ARL5A: variants seen among roughly 807,000 people sequenced by gnomAD.
ARL5A encodes the protein ARF like GTPase 5A, also known as ADP-ribosylation factor-like protein 5A.
Under a neutral mutation model 25.9 loss-of-function variants are expected in ARL5A, and 18 were observed. That is an observed-to-expected ratio of 0.69 (90% CI 0.48 to 1.03). The LOEUF is 1.03. Ranked by LOEUF, ARL5A falls within the 50% of genes least tolerant of loss-of-function variation. ARL5A has a pLI of 0.00. For missense variants in ARL5A, 170 were observed against 211.9 expected (o/e 0.80, Z 1.23); for synonymous variants, 61 against 67.5 (o/e 0.90, Z 0.47).
chr2:151,822,224 T>C (rs947463603), intron 1 of ARL5A, among the ~76,000 whole-genome samples: 1 of 152,198 alleles, frequency 6.6e-6, no homozygotes, highest in African/African-American at 2.4e-5. Flanking sequence ...TTGGCCAAGC[T>C]GGTCTTGAAC....
At chr2:151,815,784 G>A (rs2099831428) in intron 1 of ARL5A, among the ~76,000 whole-genome samples, 2 of 152,210 alleles carry the variant, frequency 1.3e-5, no homozygotes, top group South Asian at 4.1e-4. Flanking sequence ...CTTTCTCCAA[G>A]TTTTCTTCCT....
At chr2:151,812,112 A>AT (rs2099830926) in intron 4 of ARL5A, among the ~76,000 whole-genome samples, 1 of 152,196 alleles carries the variant, frequency 6.6e-6, no homozygotes, top group Admixed American at 6.5e-5. Flanking sequence ...GCCCAGGAAA[A>AT]TTGTGAAACC....
At chr2:151,816,797 C>A (rs571606055) in intron 1 of ARL5A, among the ~76,000 whole-genome samples, 1 of 152,154 alleles carries the variant, frequency 6.6e-6, no homozygotes, top group Non-Finnish European at 1.5e-5. Flanking sequence ...TCTCAAGACA[C>A]TGGGCAGTAG....
Position 151,801,435 on chromosome 2 carries a change from A to G in ARL5A, c.*1841T>C, listed in dbSNP as rs2099829401. ...CACATAATATTTGTCTGGCGAAACCATAATACAGATTTGGGTAAAGGAGAT... is the reference window on the plus strand; with the variant it reads ...CACATAATATTTGTCTGGCGAAACCGTAATACAGATTTGGGTAAAGGAGAT... On this transcript the variant is annotated 3_prime_UTR_variant, in exon 6 of 6. Coordinates refer to ENST00000295087, the MANE Select transcript of ARL5A (RefSeq NM_012097.4). The G allele has an allele frequency of 6.6e-6, 1 of 152,176 alleles. No homozygotes were observed. Among genetic ancestry groups the G allele is most frequent in the South Asian group, 2.1e-4 (1 of 4,834 alleles). The allele number at this position is 152,176 out of a possible 1,614,324, so 9.4% of individuals were successfully genotyped here. A position where few individuals can be genotyped will look rare whatever the true frequency, so the allele number is the denominator to read the frequency against.
In ARL5A at chr2:151,806,859, C is replaced by A. The variant is rs2099830172; in HGVS notation, c.453G>T (p.Gln151His). 1 of 1,613,314 alleles carries A rather than the reference C, an allele frequency of 6.2e-7. No individual in the cohort carries two copies. Among genetic ancestry groups the A allele is most frequent in the Non-Finnish European group, 8.5e-7 (1 of 1,179,682 alleles). Residue 151 changes from glutamine (Q) to histidine (H), a missense_variant, in exon 5 of 6, where the codon CAG (glutamine) becomes CAT (histidine). Gln to His is a conservative substitution (Grantham distance 24). Transcript: ENST00000295087. ...GAGCACAGCATGCCTGGATATGCCA[C>A]TGGTGATCTTTAATAGAAGTTAGCT... The part of the protein sequence containing the change: ...FLKLTSIKDH[Q>H]WHIQACCALT...
chr2:151,809,447 G>C (rs894298042), intron 4 of ARL5A, among the ~76,000 whole-genome samples: 3 of 152,140 alleles, frequency 2.0e-5, no homozygotes, highest in African/African-American at 7.2e-5. Context: ...TGACTTCTAA[G>C]AAGTTATTTT....
In ARL5A at chr2:151,812,420, G is replaced by A. The variant is rs2099830962; in HGVS notation, c.276C>T (p.Asp92=). The change falls in exon 4 of 6, where the codon GAC becomes GAT. Residue 92 remains aspartate, a synonymous_variant. Transcript: ENST00000295087. ...TNTEFVIVVV[D]STDRERISVT... is the part of the protein sequence containing the mutation. Reference sequence around the variant, plus strand: ...CAGAAATCCTCTCTCTGTCTGTACTGTCCACAACAACTATTACAAACTAAA... The same window carrying A: ...CAGAAATCCTCTCTCTGTCTGTACTATCCACAACAACTATTACAAACTAAA... 1 of 1,592,130 alleles carries A rather than the reference G, an allele frequency of 6.3e-7. No homozygotes were observed. Among genetic ancestry groups the A allele is most frequent in the Non-Finnish European group, 8.5e-7 (1 of 1,172,424 alleles).
intron 4 of ARL5A, among the ~76,000 whole-genome samples, chr2:151,809,016 C>T (rs1168364017): frequency 6.6e-6 from 1 of 152,156 alleles, no homozygotes; most frequent in East Asian, 1.9e-4. Flanking sequence ...CCACTGCACT[C>T]CAGCCTGGGC....
In ARL5A at chr2:151,802,371, AATC is replaced by A. The variant is rs2099829546; in HGVS notation, c.*902_*904del. 6.6e-6 allele frequency: 1 copy of A among 152,170 alleles called. No homozygotes were observed. Among genetic ancestry groups the A allele is most frequent in the Non-Finnish European group, 1.5e-5 (1 of 67,986 alleles). The allele number at this position is 152,170 out of a possible 1,614,324, so 9.4% of individuals were successfully genotyped here. Reference sequence around the variant, plus strand: ...TGCTGAGCATTCATTTGATAATTGTAATCATAATTTGATTCACTGATTAATGGA... The same window carrying A: ...TGCTGAGCATTCATTTGATAATTGTAATAATTTGATTCACTGATTAATGGA... On this transcript the variant is annotated 3_prime_UTR_variant, in exon 6 of 6. Transcript: ENST00000295087.
Position 151,803,018 on chromosome 2 carries a change from CA to C in ARL5A, c.*257del. ...CCCTTTGTACTTACCATAGGCTACA[CA>C]ATGTCCTGAGAGGATTCATTATGAG... On this transcript the variant is annotated 3_prime_UTR_variant, in exon 6 of 6. Coordinates refer to ENST00000295087, the MANE Select transcript of ARL5A (RefSeq NM_012097.4). 2.5e-6 allele frequency: 1 copy of C among 404,354 alleles called. No individual in the cohort carries two copies. Among genetic ancestry groups the C allele is most frequent in the East Asian group, 4.6e-5 (1 of 21,928 alleles). 25.0% of individuals were successfully genotyped at this position (404,354 alleles called of 1,614,324 possible).
intron 5 of ARL5A, among the ~76,000 whole-genome samples, chr2:151,804,167 C>A (rs1222938367): frequency 6.6e-6 from 1 of 152,018 alleles, no homozygotes; most frequent in Non-Finnish European, 1.5e-5. Flanking sequence ...ACACATGTTA[C>A]ATAAATATTA....
At chr2:151,815,083 C>A (rs1197191408) in intron 2 of ARL5A, 56 bp downstream of exon 2, 1 of 1,356,016 alleles carries the variant, frequency 7.4e-7, no homozygotes, top group East Asian at 2.5e-5. Flanking sequence ...TCGACTATCA[C>A]CCAGGCCAAA....
Position 151,814,195 on chromosome 2 carries a change from A to T in ARL5A, c.229T>A (p.Trp77Arg). The change falls in exon 3 of 6, where the codon TGG (tryptophan) becomes AGG (arginine). Residue 77 changes from tryptophan (W) to arginine (R), a missense_variant. Transcript: ENST00000295087. ...IGGQESLRSSWNTYYTNTEFV... is the reference protein window; with the variant it reads ...IGGQESLRSSRNTYYTNTEFV... ...TCTGTGTTAGTATAGTAAGTGTTCC[A>T]GGAAGAACGAAGAGATTCTTGGCCA... 1 of 1,604,998 alleles carries T rather than the reference A, an allele frequency of 6.2e-7. No homozygotes were observed. The highest frequency in any genetic ancestry group is 8.5e-7 in the Non-Finnish European group (1 of 1,177,496).
At chr2:151,826,459 T>C (rs529320213) in intron 1 of ARL5A, among the ~76,000 whole-genome samples, 2 of 152,330 alleles carry the variant, frequency 1.3e-5, no homozygotes, top group East Asian at 3.9e-4. Context: ...CATTTATTCT[T>C]AACTTACAGA....
intron 1 of ARL5A, among the ~76,000 whole-genome samples, chr2:151,819,280 A>C (rs1030331384): frequency 3.3e-5 from 5 of 152,188 alleles, no homozygotes; most frequent in Non-Finnish European, 7.3e-5. Flanking sequence ...ATTTTTTCAA[A>C]ATAGTTTGCT....
rs545267640 is a variant in ARL5A at position 151,817,250 on chromosome 2, A to G, written c.47-2051T>C. 2.6e-5 allele frequency among the ~76,000 whole-genome samples: 4 copies of G among 152,184 alleles called. No individual in the cohort carries two copies. In the South Asian group the frequency reaches 6.2e-4, roughly 24 times the overall value. ...TCACTTTCTCCTGCTTTCCCACACT[A>G]CCTCTACTCTAGCACTTATCCTAAT... On this transcript the variant is annotated intron_variant, in intron 1 of 5. Transcript: ENST00000295087.
chr2:151,801,530 T>C lies in ARL5A; in HGVS notation c.*1746A>G, dbSNP rs1214409944. The C allele has an allele frequency of 8.5e-5, 13 of 152,270 alleles. No homozygotes were observed. The East Asian group carries it at 2.5e-3, about 29-fold the overall frequency. The allele number at this position is 152,270 out of a possible 1,614,324, so 9.4% of individuals were successfully genotyped here. A position where few individuals can be genotyped will look rare whatever the true frequency, so the allele number is the denominator to read the frequency against. ...ACGAGAACATATGGGAAAAGCTTAGTAATTTAAGATTTACTTTTGTAAAAC... is the reference window on the plus strand; with the variant it reads ...ACGAGAACATATGGGAAAAGCTTAGCAATTTAAGATTTACTTTTGTAAAAC... On this transcript the variant is annotated 3_prime_UTR_variant, in exon 6 of 6. Transcript: ENST00000295087.
rs1375951935 is a variant in ARL5A, at chr2:151,801,421, T to G, written c.*1855A>C. ...TTTCTGGGCTACATCACATAATATTTGTCTGGCGAAACCATAATACAGATT... is the reference window on the plus strand; with the variant it reads ...TTTCTGGGCTACATCACATAATATTGGTCTGGCGAAACCATAATACAGATT... On this transcript the variant is annotated 3_prime_UTR_variant, in exon 6 of 6. Transcript: ENST00000295087. The G allele has an allele frequency of 2.0e-5, 3 of 152,182 alleles. No homozygotes were observed. The highest frequency in any genetic ancestry group is 7.2e-5 in the African/African-American group (3 of 41,456). 9.4% of individuals were successfully genotyped at this position (152,182 alleles called of 1,614,324 possible). A position where few individuals can be genotyped will look rare whatever the true frequency, so the allele number is the denominator to read the frequency against.
chr2:151,822,953 T>C (rs1483988306), intron 1 of ARL5A, among the ~76,000 whole-genome samples: 4 of 152,146 alleles, frequency 2.6e-5, no homozygotes, highest in African/African-American at 9.7e-5. Flanking sequence ...TAATATATAT[T>C]CCCCCAACTC....
Sources: allele counts gnomAD v4.1 joint callset (sites outside exome capture counted in the v4.1 genomes callset), GRCh38; gene constraint gnomAD v4.1.1; transcripts MANE v1.5; gene names NCBI Gene and HGNC (gene_info 2026-07-23, HGNC 2026-07-21).